The following PRH1 variants were observed in gnomAD, a reference collection of about 807,000 sequenced individuals.
PRH1 encodes the protein proline rich protein HaeIII subfamily 1.
A neutral mutation model predicts 7.9 loss-of-function variants in PRH1; 7 were observed. That is an observed-to-expected ratio of 0.89 (90% confidence interval 0.50 to 1.67). PRH1 has a LOEUF of 1.67. Ranked by LOEUF, PRH1 falls within the 40% of genes most tolerant of loss-of-function variation. The pLI is 0.00. For missense variants in PRH1, 109 were observed against 223.6 expected (o/e 0.49, Z 3.27); for synonymous variants, 45 against 80.8 (o/e 0.56, Z 2.38).
chr12:11,016,603 A>C (rs1353614523), intron 1 of PRH1, among the ~76,000 whole-genome samples: 1 of 152,168 alleles, frequency 6.6e-6, no homozygotes, highest in Non-Finnish European at 1.5e-5. Context: ...CGCCTCCAAA[A>C]GTGCGGGGAC....
At chr12:10,881,651 G>T (rs1446852251) in intron 3 of PRH1, among the ~76,000 whole-genome samples, 1 of 152,166 alleles carries the variant, frequency 6.6e-6, no homozygotes, top group Non-Finnish European at 1.5e-5. Flanking sequence ...AAGAGTAAAA[G>T]GTGGGGGTTT....
At chr12:11,035,907 G>GT (rs1025579459) in intron 1 of PRH1, among the ~76,000 whole-genome samples, 4 of 152,086 alleles carry the variant, frequency 2.6e-5, no homozygotes, top group East Asian at 1.9e-4. Context: ...GTTTTGTTTT[G>GT]TTTTTTGAGA....
At chr12:10,927,089 T>C (rs546772161) in intron 2 of PRH1, among the ~76,000 whole-genome samples, 1 of 152,308 alleles carries the variant, frequency 6.6e-6, no homozygotes, top group African/African-American at 2.4e-5. Flanking sequence ...TATGCTAGTC[T>C]CTTTTGCTGA....
At chr12:11,042,620 A>ATTTTTTTTTTTTTTTT (rs1337131350) in intron 1 of PRH1, among the ~76,000 whole-genome samples, 31 of 92,932 alleles carry the variant, frequency 3.3e-4, no homozygotes, top group Non-Finnish European at 3.4e-4. Flanking sequence ...TTCCAGGCTC[A>ATTTTTTTTTTTTTTTT]TTCTTTTTTT....
intron 2 of PRH1, among the ~76,000 whole-genome samples, chr12:10,940,176 A>G (rs1199723933): frequency 2.0e-5 from 3 of 152,136 alleles, no homozygotes; most frequent in Non-Finnish European, 2.9e-5. Flanking sequence ...ATACTTTTCT[A>G]TTATTTTACT....
chr12:11,004,861 G>A (rs1199673207), intron 1 of PRH1, among the ~76,000 whole-genome samples: 2 of 151,906 alleles, frequency 1.3e-5, no homozygotes, highest in African/African-American at 4.8e-5. Flanking sequence ...AGGAAACAAA[G>A]AAAAAATATT....
chr12:10,970,813 C>T (rs990106845), intron 2 of PRH1, among the ~76,000 whole-genome samples: 3 of 141,008 alleles, frequency 2.1e-5, no homozygotes, highest in Non-Finnish European at 4.7e-5. Flanking sequence ...GTGATCCACC[C>T]GCTCAGCCAC....
At position 10,928,362 on chromosome 12, in the gene PRH1, C is replaced by T. The variant is rs79607463; in HGVS notation, c.-58-44087G>A. Among the ~76,000 whole-genome samples, 1,172 of 152,168 alleles carry T rather than the reference C, an allele frequency of 7.7e-3. 14 individuals are homozygous for T. Among genetic ancestry groups the T allele is most frequent in the African/African-American group, 0.027 (1,118 of 41,488 alleles). ...ACTTAGTTATTAGTGGTGAAGACTA[C>T]GGTATTTGTTAGAAGAAATAAAGTA... On this transcript the variant is annotated intron_variant, in intron 2 of 3. Coordinates refer to the PRH1 transcript ENST00000539853.
intron 1 of PRH1, among the ~76,000 whole-genome samples, chr12:11,125,587 T>C (rs1946090145): frequency 6.6e-6 from 1 of 152,278 alleles, no homozygotes; most frequent in Non-Finnish European, 1.5e-5. Context: ...ATCAAAATAT[T>C]TTTCCTCACA....
intron 2 of PRH1, among the ~76,000 whole-genome samples, chr12:10,910,328 T>C: frequency 6.6e-6 from 1 of 152,126 alleles, no homozygotes; most frequent in East Asian, 1.9e-4. Context: ...AACAATATAC[T>C]ATAATAAAAG....
intron 1 of PRH1, among the ~76,000 whole-genome samples, chr12:11,143,626 A>C (rs1470767675): frequency 1.3e-5 from 2 of 152,178 alleles, no homozygotes; most frequent in Non-Finnish European, 2.9e-5. Flanking sequence ...ACAGATAGAA[A>C]ATAAAGGGAT....
chr12:11,161,298 A>G (rs908268464), intron 1 of PRH1, among the ~76,000 whole-genome samples: 3 of 152,226 alleles, frequency 2.0e-5, no homozygotes, highest in African/African-American at 7.2e-5. Context: ...GAAACGTTTT[A>G]CATTTTGGAG....
chr12:11,165,124 T>C (rs2136464214), intron 1 of PRH1, among the ~76,000 whole-genome samples: 1 of 152,304 alleles, frequency 6.6e-6, no homozygotes. Context: ...TACGGGTATG[T>C]TCTCATTTCT....
rs367767831 is a variant in PRH1, at chr12:10,960,885, G to A, written c.-59+12770C>T. 4.6e-5 allele frequency among the ~76,000 whole-genome samples: 7 copies of A among 152,212 alleles called. No individual in the cohort carries two copies. In the East Asian group the frequency reaches 7.7e-4, roughly 17 times the overall value. On this transcript the variant is annotated intron_variant, in intron 2 of 3. Coordinates refer to the PRH1 transcript ENST00000539853. ...TTTTAAAGTAAACGGCATGTTTCCT[G>A]ATACATAATTCTTCTCACTAAAAAA...
At chr12:10,881,426 G>A (rs911964100) in intron 3 of PRH1, among the ~76,000 whole-genome samples, 3 of 151,968 alleles carry the variant, frequency 2.0e-5, no homozygotes, top group Non-Finnish European at 4.4e-5. Context: ...AATAGATTAC[G>A]GAACAACCAA....
chr12:10,971,600 T>C (rs1262641583), intron 2 of PRH1, among the ~76,000 whole-genome samples: 2 of 152,178 alleles, frequency 1.3e-5, no homozygotes, highest in African/African-American at 2.4e-5. Context: ...TAAGAGTACC[T>C]GTACTGAGTC....
chr12:10,996,930 T>C, intron 1 of PRH1: 1 of 1,575,384 alleles, frequency 6.3e-7, no homozygotes, highest in Non-Finnish European at 8.6e-7. Context: ...AAACACACAA[T>C]GCACCTCTTG....
intron 2 of PRH1, among the ~76,000 whole-genome samples, chr12:10,933,664 T>A (rs1265951442): frequency 1.3e-5 from 2 of 152,072 alleles, no homozygotes; most frequent in African/African-American, 2.4e-5. Context: ...ATATATTTTT[T>A]AAAAAACAAT....
At chr12:10,899,855 A>G (rs1356329267) in intron 2 of PRH1, among the ~76,000 whole-genome samples, 1 of 152,220 alleles carries the variant, frequency 6.6e-6, no homozygotes, top group Non-Finnish European at 1.5e-5. Context: ...AAATTCCCTG[A>G]AAGAAATTAC....
Sources: allele counts gnomAD v4.1 joint callset (sites outside exome capture counted in the v4.1 genomes callset), GRCh38; gene constraint gnomAD v4.1.1; transcripts MANE v1.5; gene names NCBI Gene and HGNC (gene_info 2026-07-23, HGNC 2026-07-21).